The following SERAC1 variants were observed in gnomAD, a reference collection of about 807,000 sequenced individuals.
The protein encoded by SERAC1 is serine active site containing 1.
Under a neutral mutation model 85.7 loss-of-function variants are expected in SERAC1, and 36 were observed. The ratio of observed to expected loss-of-function variants is 0.42; its 90% confidence interval spans 0.32 to 0.55. The LOEUF (loss-of-function observed/expected upper bound fraction) is 0.55, where lower values mean the gene tolerates loss of function less well. Among genes scored for constraint, SERAC1 ranks in the 20% least tolerant of loss-of-function variants. SERAC1 has a pLI of 0.11. For synonymous variants in SERAC1, 242 were observed against 265.3 expected, an observed-to-expected ratio of 0.91 and a Z score of 0.85; for missense variants, 629 against 796.2, an observed-to-expected ratio of 0.79 and a Z score of 2.53.
intron 10 of SERAC1, among the ~76,000 whole-genome samples, chr6:158,125,177 T>C (rs1784511836): frequency 6.6e-6 from 1 of 152,200 alleles, no homozygotes; most frequent in Non-Finnish European, 1.5e-5. Context: ...CCCACATTAA[T>C]AGAATTAATT....
At chr6:158,166,051 C>A (rs1427266406) in intron 1 of SERAC1, 1 of 152,084 alleles carries the variant, frequency 6.6e-6, no homozygotes, top group Non-Finnish European at 1.5e-5. Flanking sequence ...CAAGATTTAA[C>A]AAAGCAAACA....
At chr6:158,113,803 A>T (rs1318135140) in intron 15 of SERAC1, among the ~76,000 whole-genome samples, 2 of 152,160 alleles carry the variant, frequency 1.3e-5, no homozygotes, top group African/African-American at 4.8e-5. Context: ...GCAGCAGGAG[A>T]GGGTTTATCA....
At chr6:158,150,051 A>G (rs1785166661) in intron 4 of SERAC1, among the ~76,000 whole-genome samples, 1 of 152,264 alleles carries the variant, frequency 6.6e-6, no homozygotes, top group Non-Finnish European at 1.5e-5. Flanking sequence ...ATGAGTTGGC[A>G]TTCATATTTA....
intron 16 of SERAC1, 180 bp downstream of exon 16, chr6:158,113,269 G>A (rs375191293): frequency 8.2e-5 from 45 of 551,164 alleles, no homozygotes; most frequent in African/African-American, 3.6e-4. Flanking sequence ...GGTAATACCC[G>A]GGTTATATGT....
Position 158,150,467 on chromosome 6 carries a change from T to C in SERAC1, c.251A>G (p.Lys84Arg), listed in dbSNP as rs1785176563. 1 of 1,574,584 alleles carries C rather than the reference T, an allele frequency of 6.4e-7. No individual in the cohort carries two copies. The highest frequency in any genetic ancestry group is 2.2e-5 in the East Asian group (1 of 44,614). The change falls in exon 4 of 17, where the codon AAA becomes AGA. Residue 84 changes from lysine (K) to arginine (R), a missense_variant. By Grantham distance (26) the Lys-to-Arg change is conservative. Coordinates refer to ENST00000647468, the MANE Select transcript of SERAC1 (RefSeq NM_032861.4). ...AATAAACTTACCATGATTTTCTCCT[T>C]TGTCTAAAGAAACTGTGTGCACATA... The part of the protein sequence containing the change: ...YIYVHTVSLD[K>R]GENHGIAWQA...
chr6:158,122,158 G>C (rs989169425), intron 10 of SERAC1, among the ~76,000 whole-genome samples: 1 of 152,174 alleles, frequency 6.6e-6, no homozygotes, highest in Non-Finnish European at 1.5e-5. Context: ...TATAGGTTTG[G>C]AGCCTAGGAG....
chr6:158,120,994 C>T lies in SERAC1; in HGVS notation c.1016-419G>A, dbSNP rs1784406508. 6.6e-6 allele frequency among the ~76,000 whole-genome samples: 1 copy of T among 152,084 alleles called. No homozygotes were observed. The highest frequency in any genetic ancestry group is 2.4e-5 in the African/African-American group (1 of 41,416). Reference sequence around the variant, plus strand: ...CAGCAATCAGTAATACCCTTTCATACAAATGAAGAAACTATTTCTTAACAA... The same window carrying T: ...CAGCAATCAGTAATACCCTTTCATATAAATGAAGAAACTATTTCTTAACAA... On this transcript the variant is annotated intron_variant, in intron 10 of 16. Transcript: ENST00000647468. The surrounding 1 kb of genome is among the most constrained non-coding windows in gnomAD (Gnocchi z 4.4).
Position 158,128,237 on chromosome 6 carries a change from C to CA in SERAC1, c.885dup (p.Gly296TrpfsTer18). ...AGCCTCTGAAGTAGCTGCAGGCCTC[C>CA]ATTTGCTTCGATTTTATCACAATGT... On this transcript the variant is annotated frameshift_variant, in exon 10 of 17. Coordinates refer to ENST00000647468, the MANE Select transcript of SERAC1 (RefSeq NM_032861.4). LOFTEE classifies it high-confidence loss of function. The CA allele has an allele frequency of 6.2e-7, 1 of 1,614,086 alleles. No individual in the cohort carries two copies. Among genetic ancestry groups the CA allele is most frequent in the Non-Finnish European group, 8.5e-7 (1 of 1,179,984 alleles).
Position 158,144,262 on chromosome 6 carries a change from T to G in SERAC1, c.609+37A>C, listed in dbSNP as rs554138481. ...TGAAGATAATATATTAAACCATTTTTCACTCTCTAAATTACTATTATTATT... is the reference window on the plus strand; with the variant it reads ...TGAAGATAATATATTAAACCATTTTGCACTCTCTAAATTACTATTATTATT... On this transcript the variant is annotated intron_variant, in intron 7 of 16. Coordinates refer to ENST00000647468, the MANE Select transcript of SERAC1 (RefSeq NM_032861.4). 4.6e-6 allele frequency: 7 copies of G among 1,527,974 alleles called. No homozygotes were observed. In the Admixed American group the frequency reaches 9.2e-5, roughly 20 times the overall value. The allele number at this position is 1,527,974 out of a possible 1,614,324, so 94.7% of individuals were successfully genotyped here.
chr6:158,137,029 G>A (rs1252118617), intron 8 of SERAC1, among the ~76,000 whole-genome samples: 4 of 151,782 alleles, frequency 2.6e-5, no homozygotes, highest in South Asian at 2.1e-4. Flanking sequence ...ATGGTGGCTC[G>A]CGCCTGTAGT....
At chr6:158,168,030 GGTGCTCGGCC>G (rs1785650230) in intron 1 of SERAC1, 100 bp downstream of exon 1, 1 of 152,112 alleles carries the variant, frequency 6.6e-6, no homozygotes, top group African/African-American at 2.4e-5. Context: ...GCCAGACGGC[GGTGCTCGGCC>G]GTGCCCGGTC....
chr6:158,139,147 T>G (rs1438053024), intron 8 of SERAC1, among the ~76,000 whole-genome samples: 1 of 152,038 alleles, frequency 6.6e-6, no homozygotes, highest in Non-Finnish European at 1.5e-5. Context: ...TCAAGTGATC[T>G]TCCCACCTCA....
At chr6:158,116,041 GCCATAGCT>G in intron 14 of SERAC1, 136 bp downstream of exon 14, 1 of 648,910 alleles carries the variant, frequency 1.5e-6, no homozygotes, top group African/African-American at 1.8e-5. Flanking sequence ...AAAAGTCCTA[GCCATAGCT>G]ACACAGATTA....
intron 2 of SERAC1, among the ~76,000 whole-genome samples, chr6:158,156,098 G>A (rs1017190019): frequency 3.9e-5 from 6 of 152,298 alleles, no homozygotes; most frequent in African/African-American, 7.2e-5. Flanking sequence ...GCAGTGAGCC[G>A]AGATTGTGCC....
intron 6 of SERAC1, 93 bp downstream of exon 6, chr6:158,146,689 C>G: frequency 2.0e-6 from 3 of 1,502,806 alleles, no homozygotes; most frequent in Non-Finnish European, 2.7e-6. Context: ...GGATTACAGG[C>G]GTGAGCCACC....
At chr6:158,155,852 A>AATAGAG (rs1313768052) in intron 2 of SERAC1, among the ~76,000 whole-genome samples, 1 of 152,194 alleles carries the variant, frequency 6.6e-6, no homozygotes, top group African/African-American at 2.4e-5. Context: ...CCCCATTTAA[A>AATAGAG]ATAGAGATTA....
chr6:158,164,158 G>A (rs971924458), intron 1 of SERAC1, among the ~76,000 whole-genome samples: 1 of 151,820 alleles, frequency 6.6e-6, no homozygotes, highest in Non-Finnish European at 1.5e-5. Context: ...GAGTCTGCTT[G>A]TCAATTTCTA....
chr6:158,143,349 A>C (rs9364817), intron 7 of SERAC1, among the ~76,000 whole-genome samples, 165 bp from the exon 8 acceptor site: 3,800 of 33,282 alleles, frequency 0.11, 64 homozygotes, highest in Non-Finnish European at 0.14. Context: ...CTCTCTCTCT[A>C]TATATATATA....
At position 158,120,621 on chromosome 6, in the gene SERAC1, C is replaced by G. The variant is rs1404126944; in HGVS notation, c.1016-46G>C. ...CCTAAATACTGATGTGAATCCATCG[C>G]AGACCACAGAGAGAGTGAGGTTTCA... On this transcript the variant is annotated intron_variant, in intron 10 of 16. Coordinates refer to ENST00000647468, the MANE Select transcript of SERAC1 (RefSeq NM_032861.4). This position sits in a 1 kb window ranked among gnomAD's most constrained non-coding sequence, Gnocchi z 4.4. The G allele has an allele frequency of 6.3e-7, 1 of 1,588,352 alleles. No homozygotes were observed.
Sources: gnomAD v4.1 joint callset for allele counts (sites outside exome capture counted in the v4.1 genomes callset) on GRCh38, gnomAD v4.1.1 for gene constraint, Gnocchi (gnomAD v3.1) non-coding constraint, MANE v1.5 for transcripts, NCBI Gene and HGNC (gene_info 2026-07-23, HGNC 2026-07-21) for gene names.